The following TARBP1 variants were observed in gnomAD, a reference collection of about 807,000 sequenced individuals.
The protein encoded by TARBP1 is tRNA guanosine 2 -O-methyltransferase TARBP1, also known as tRNA (guanosine(18)-2'-O)-methyltransferase TARBP1.
A neutral mutation model predicts 178.6 loss-of-function variants in TARBP1; 144 were observed. The observed-to-expected ratio is 0.81, with a 90% CI of 0.70 to 0.93. The LOEUF (loss-of-function observed/expected upper bound fraction) is 0.93. Ranked by LOEUF, TARBP1 falls within the 40% of genes least tolerant of loss-of-function variation. TARBP1 has a pLI of 0.00. For missense variants in TARBP1, 2,067 were observed against 2,011.7 expected (o/e 1.03, Z -0.53); for synonymous variants, 787 against 781.0 (o/e 1.01, Z -0.13).
intron 12 of TARBP1, among the ~76,000 whole-genome samples, chr1:234,445,341 T>C (rs1233553753): frequency 6.6e-6 from 1 of 152,194 alleles, no homozygotes; most frequent in Non-Finnish European, 1.5e-5. Flanking sequence ...CCTAACATTC[T>C]CATTCAGACT....
At position 234,479,115 on chromosome 1, in the gene TARBP1, C is replaced by G. The variant is rs1291943123; in HGVS notation, c.-12G>C. On this transcript the variant is annotated 5_prime_UTR_variant, in exon 1 of 30. Coordinates refer to ENST00000040877, the MANE Select transcript of TARBP1 (RefSeq NM_005646.4). The stretch of plus-strand genomic sequence containing the variant: ...AGCACCCACTCCATTTGCCGAGCGC[C>G]CGCGCCACCGGCCCGGGCTCCCAAA... 1 of 1,523,726 alleles carries G rather than the reference C, an allele frequency of 6.6e-7. No homozygotes were observed. The highest frequency in any genetic ancestry group is 8.7e-7 in the Non-Finnish European group (1 of 1,149,344). The allele number at this position is 1,523,726 out of a possible 1,614,324, so 94.4% of individuals were successfully genotyped here.
At chr1:234,447,019 T>C (rs1259847713) in intron 11 of TARBP1, 44 bp from the exon 12 acceptor site, 4 of 1,603,826 alleles carry the variant, frequency 2.5e-6, no homozygotes, top group African/African-American at 2.7e-5. Context: ...TTCAAAAGCA[T>C]AAGCAAATTG....
chr1:234,456,449 C>T (rs866419760), intron 9 of TARBP1, among the ~76,000 whole-genome samples: 2 of 152,212 alleles, frequency 1.3e-5, no homozygotes, highest in Admixed American at 6.5e-5. Flanking sequence ...GATCTGCCCG[C>T]CTCAGCCTCC....
chr1:234,417,660 A>G (rs1284078530), intron 22 of TARBP1, among the ~76,000 whole-genome samples: 1 of 152,220 alleles, frequency 6.6e-6, no homozygotes, highest in African/African-American at 2.4e-5. Context: ...TGAAACAAGA[A>G]AGGAAATGAA....
chr1:234,463,666 T>C (rs1269043294), intron 6 of TARBP1, among the ~76,000 whole-genome samples, 171 bp downstream of exon 6: 1 of 152,104 alleles, frequency 6.6e-6, no homozygotes, highest in Non-Finnish European at 1.5e-5. Context: ...GACTAAAGTG[T>C]GTACTCAAAA....
intron 26 of TARBP1, among the ~76,000 whole-genome samples, chr1:234,396,153 CA>C (rs1321297198): frequency 6.6e-6 from 1 of 152,154 alleles, no homozygotes; most frequent in Non-Finnish European, 1.5e-5. Context: ...CCCTCTTTAC[CA>C]AAAACAGGCA....
chr1:234,420,840 A>G lies in TARBP1; in HGVS notation c.3445-28T>C, dbSNP rs370954784. The G allele has an allele frequency of 3.1e-6, 4 of 1,290,066 alleles. No individual in the cohort carries two copies. The African/African-American group carries it at 6.0e-5, about 19-fold the overall frequency. The allele number at this position is 1,290,066 out of a possible 1,614,324, so 79.9% of individuals were successfully genotyped here. A position where few individuals can be genotyped will look rare whatever the true frequency, so the allele number is the denominator to read the frequency against. On this transcript the variant is annotated intron_variant, in intron 20 of 29. Coordinates refer to ENST00000040877, the MANE Select transcript of TARBP1 (RefSeq NM_005646.4). ...GGAAAGGAGAAGGGAGGGAGTCAAC[A>G]TTAAATTATCTATTGAATTTGTGAT...
Position 234,429,270 on chromosome 1 carries a change from T to C in TARBP1, c.2926A>G (p.Ile976Val). 6.2e-7 allele frequency: 1 copy of C among 1,603,324 alleles called. No homozygotes were observed. Reference protein sequence around the residue: ...CIESFDMAWKIISSLSNTQLI... With the variant: ...CIESFDMAWKVISSLSNTQLI... ...TGAGTGTTGCTTAAAGAAGATATAA[T>C]TTTCCACGCCATGTCAAAAGACTCT... Residue 976 changes from isoleucine to valine, a missense_variant, in exon 17 of 30, where the codon ATT (isoleucine) becomes GTT (valine). Transcript: ENST00000040877.
intron 19 of TARBP1, among the ~76,000 whole-genome samples, chr1:234,426,309 G>A (rs1025455225): frequency 5.9e-5 from 9 of 152,122 alleles, no homozygotes; most frequent in Admixed American, 1.3e-4. Flanking sequence ...AAGTGAAATC[G>A]TCACATTCCG....
intron 20 of TARBP1, among the ~76,000 whole-genome samples, chr1:234,422,018 T>C (rs1485376421): frequency 6.6e-6 from 1 of 152,252 alleles, no homozygotes; most frequent in African/African-American, 2.4e-5. Flanking sequence ...AATCTCTATA[T>C]AATTTCTGTT....
At chr1:234,474,219 G>A (rs1389770462) in intron 1 of TARBP1, among the ~76,000 whole-genome samples, 1 of 149,690 alleles carries the variant, frequency 6.7e-6, no homozygotes, top group African/African-American at 2.5e-5. Context: ...ACCCTAGCCT[G>A]GGCAAGAGCG....
At chr1:234,415,829 G>A (rs1317295396) in intron 22 of TARBP1, among the ~76,000 whole-genome samples, 1 of 152,132 alleles carries the variant, frequency 6.6e-6, no homozygotes, top group Non-Finnish European at 1.5e-5. Context: ...AAGCCACTGA[G>A]CCTCCCCTGT....
chr1:234,472,283 C>G (rs1481182374), intron 2 of TARBP1, among the ~76,000 whole-genome samples: 3 of 129,184 alleles, frequency 2.3e-5, no homozygotes, highest in Non-Finnish European at 4.7e-5. Context: ...GAGCTGAGAT[C>G]GTGCCACTGA....
In TARBP1 at chr1:234,427,676, C is replaced by A; in HGVS notation, c.3151G>T (p.Ala1051Ser). 1 of 1,579,404 alleles carries A rather than the reference C, an allele frequency of 6.3e-7. No homozygotes were observed. The part of the protein sequence containing the change: ...SYCCQSWIVS[A>S]SNVSQGSLSS... ...AAAGATCCTTGGGACACATTTGAAG[C>A]AGACACTATCCAAGACTGACAGCAG... The change falls in exon 18 of 30, where the codon GCT becomes TCT. Residue 1051 changes from alanine (A) to serine (S), a missense_variant. By Grantham distance (99) the Ala-to-Ser change is moderately conservative. Transcript: ENST00000040877.
intron 20 of TARBP1, 150 bp from the exon 21 acceptor site, chr1:234,420,962 A>T (rs1039141635): frequency 2.2e-6 from 1 of 456,452 alleles, no homozygotes; most frequent in South Asian, 4.9e-5. Flanking sequence ...GATGAGAAAA[A>T]GAATGGCACC....
At position 234,429,638 on chromosome 1, in the gene TARBP1, T is replaced by A. The variant is rs865997588; in HGVS notation, c.2649A>T (p.Lys883Asn). 6.2e-7 allele frequency: 1 copy of A among 1,610,738 alleles called. No homozygotes were observed. The highest frequency in any genetic ancestry group is 1.1e-5 in the South Asian group (1 of 90,248). The change falls in exon 16 of 30, where the codon AAA becomes AAT. Residue 883 changes from lysine (K) to asparagine (N), a missense_variant. Physicochemically the swap from Lys to Asn is moderately conservative, Grantham distance 94. Transcript: ENST00000040877. ...GATCATGAATATATTGTGCAACTAT[T>A]TTTCCCCATCCTTGGGAAGATGACG... Reference protein sequence around the residue: ...EESSSSQGWGKIVAQYIHDQW... With the variant: ...EESSSSQGWGNIVAQYIHDQW...
chr1:234,470,858 C>T (rs12137725), intron 3 of TARBP1, among the ~76,000 whole-genome samples: 20,188 of 152,000 alleles, frequency 0.13, 1,781 homozygotes, highest in African/African-American at 0.26. Context: ...TCAGGTGATC[C>T]GCCCACCTCT....
chr1:234,392,095 C>T lies in TARBP1; in HGVS notation c.4697+321G>A, dbSNP rs376720149. ...AAAAGTAACATCTTCTAGCCAGGCA[C>T]GGTGGCTCACGCCTGTAATCCCACC... On this transcript the variant is annotated intron_variant, in intron 29 of 29. Coordinates refer to ENST00000040877, the MANE Select transcript of TARBP1 (RefSeq NM_005646.4). 5.3e-5 allele frequency among the ~76,000 whole-genome samples: 8 copies of T among 152,340 alleles called. No individual in the cohort carries two copies. The East Asian group carries it at 1.2e-3, about 22-fold the overall frequency.
chr1:234,440,461 CAG>C (rs1379358018), intron 12 of TARBP1, among the ~76,000 whole-genome samples: 1 of 151,468 alleles, frequency 6.6e-6, no homozygotes. Context: ...GAGACAGAGA[CAG>C]AGAGAGAGTG....
Sources: gnomAD v4.1 joint callset for allele counts (sites outside exome capture counted in the v4.1 genomes callset) on GRCh38, gnomAD v4.1.1 for gene constraint, MANE v1.5 for transcripts, NCBI Gene and HGNC (gene_info 2026-07-23, HGNC 2026-07-21) for gene names.